The following XPNPEP1 variants were observed in gnomAD, a reference collection of about 807,000 sequenced individuals.
XPNPEP1 encodes X-prolyl aminopeptidase 1.
A neutral mutation model predicts 92.4 loss-of-function variants in XPNPEP1; 39 were observed. The ratio of observed to expected loss-of-function variants is 0.42; its 90% CI spans 0.33 to 0.55. The LOEUF is 0.55. Ranked by LOEUF, XPNPEP1 falls within the 20% of genes least tolerant of loss-of-function variation. The pLI, the probability that XPNPEP1 is intolerant of heterozygous loss-of-function variation, is 0.08. For synonymous variants in XPNPEP1, 307 were observed against 299.4 expected (o/e 1.03, Z -0.26); for missense variants, 654 against 856.1 (o/e 0.76, Z 2.95).
At chr10:109,916,204 A>T (rs561862375) in intron 1 of XPNPEP1, among the ~76,000 whole-genome samples, 51 of 152,352 alleles carry the variant, frequency 3.3e-4, no homozygotes, top group African/African-American at 1.2e-3. Flanking sequence ...AGCCTCTATT[A>T]TAACAGACAA....
intron 1 of XPNPEP1, among the ~76,000 whole-genome samples, chr10:109,915,501 T>C (rs1482372057): frequency 6.6e-6 from 1 of 152,158 alleles, no homozygotes; most frequent in Non-Finnish European, 1.5e-5. Context: ...GCCCTTATTT[T>C]ATAATTTCTC....
In XPNPEP1 at chr10:109,866,537, C is replaced by A. The variant is rs554691344; in HGVS notation, c.1873-1225G>T. ...TCCTGGTGTAAGCCTGGGGCCACAG[C>A]CAAACGCCCATGGCCCTTTTGGTTG... On this transcript the variant is annotated intron_variant, in intron 20 of 20. Coordinates refer to ENST00000502935, the MANE Select transcript of XPNPEP1 (RefSeq NM_020383.4). 3.3e-5 allele frequency among the ~76,000 whole-genome samples: 5 copies of A among 152,286 alleles called. No individual in the cohort carries two copies. In the South Asian group the frequency reaches 1.0e-3, roughly 32 times the overall value.
intron 12 of XPNPEP1, 152 bp from the exon 13 acceptor site, chr10:109,878,210 C>A: frequency 1.4e-6 from 1 of 732,302 alleles, no homozygotes; most frequent in Non-Finnish European, 2.3e-6. Flanking sequence ...AGGGAGAACT[C>A]CCAAAGGCTC....
At chr10:109,891,337 A>G in intron 5 of XPNPEP1, 1 of 157,668 alleles carries the variant, frequency 6.3e-6, no homozygotes, top group Admixed American at 6.4e-5. Context: ...ATCCTCAGAG[A>G]GAGCCTCAGG....
intron 3 of XPNPEP1, chr10:109,893,362 G>A (rs200716946): frequency 3.3e-6 from 1 of 298,660 alleles, no homozygotes; most frequent in East Asian, 5.5e-5. Context: ...TCTTCACTGA[G>A]ATCTTACTCA....
chr10:109,869,897 T>A (rs961216180), intron 19 of XPNPEP1, 56 bp downstream of exon 19: 69 of 1,569,934 alleles, frequency 4.4e-5, no homozygotes, highest in Non-Finnish European at 5.6e-5. Context: ...ATGAGGTCTA[T>A]CCGAGGCGTG....
intron 3 of XPNPEP1, among the ~76,000 whole-genome samples, chr10:109,900,268 G>C (rs1329748569): frequency 6.6e-6 from 1 of 152,130 alleles, no homozygotes; most frequent in Non-Finnish European, 1.5e-5. Flanking sequence ...AGCCGTAGGA[G>C]AAACTCCATC....
chr10:109,893,871 C>G (rs142416019), intron 3 of XPNPEP1: 1 of 152,374 alleles, frequency 6.6e-6, no homozygotes, highest in East Asian at 1.9e-4. Context: ...CAGTCAACTC[C>G]AGAGTCTGGA....
chr10:109,887,638 A>G (rs1205699047), intron 7 of XPNPEP1, among the ~76,000 whole-genome samples: 2 of 152,244 alleles, frequency 1.3e-5, no homozygotes, highest in Non-Finnish European at 2.9e-5. Context: ...CCTCTAAAGC[A>G]GAAGGTACAA....
intron 5 of XPNPEP1, 78 bp downstream of exon 5, chr10:109,891,644 T>A (rs1848708832): frequency 1.7e-6 from 2 of 1,191,176 alleles, no homozygotes; most frequent in South Asian, 3.1e-5. Flanking sequence ...AGGATTAAGA[T>A]CCAGGAGTCC....
At chr10:109,871,234 G>T (rs1474642950) in intron 17 of XPNPEP1, among the ~76,000 whole-genome samples, 1 of 152,044 alleles carries the variant, frequency 6.6e-6, no homozygotes, top group Non-Finnish European at 1.5e-5. Flanking sequence ...ACTCTAACCA[G>T]ACTGCAAGCA....
chr10:109,872,338 G>A (rs1847532747), intron 16 of XPNPEP1, among the ~76,000 whole-genome samples: 1 of 152,242 alleles, frequency 6.6e-6, no homozygotes, highest in South Asian at 2.1e-4. Context: ...ATCTGGCCTT[G>A]GAGCCAGGCA....
intron 20 of XPNPEP1, among the ~76,000 whole-genome samples, chr10:109,866,280 A>G (rs1847138704): frequency 6.6e-6 from 1 of 152,204 alleles, no homozygotes; most frequent in Non-Finnish European, 1.5e-5. Flanking sequence ...CCCATTAATT[A>G]CAAGGGACTG....
intron 12 of XPNPEP1, among the ~76,000 whole-genome samples, chr10:109,879,701 T>C (rs1371407005): frequency 1.3e-5 from 2 of 152,206 alleles, no homozygotes. Flanking sequence ...AAGAGTTGTT[T>C]ATACAATACT....
intron 11 of XPNPEP1, 57 bp downstream of exon 11, chr10:109,880,785 G>C: frequency 6.5e-7 from 1 of 1,545,308 alleles, no homozygotes; most frequent in East Asian, 2.3e-5. Flanking sequence ...GGAGGTGAAG[G>C]AGCCGGGCCT....
chr10:109,867,530 T>C lies in XPNPEP1; in HGVS notation c.1872+1084A>G, dbSNP rs530219062. Among the ~76,000 whole-genome samples the C allele has an allele frequency of 3.3e-5, 5 of 152,328 alleles. No individual in the cohort carries two copies. The highest frequency in any genetic ancestry group is 1.2e-4 in the African/African-American group (5 of 41,584). ...TGGATGGACTTTCTCATCACCCACC[T>C]GTGAACTGGAACAGGCAGAAGAGGC... On this transcript the variant is annotated intron_variant, in intron 20 of 20. Coordinates refer to ENST00000502935, the MANE Select transcript of XPNPEP1 (RefSeq NM_020383.4). The surrounding 1 kb of genome is among the most constrained non-coding windows in gnomAD (Gnocchi z 4.5).
intron 12 of XPNPEP1, chr10:109,878,365 G>A (rs1011561116): frequency 8.2e-5 from 22 of 268,708 alleles, no homozygotes; most frequent in Admixed American, 4.3e-4. Context: ...AGAAATCATC[G>A]TAAGAAAATC....
chr10:109,904,092 G>C (rs1589613825), intron 3 of XPNPEP1, among the ~76,000 whole-genome samples: 1 of 151,078 alleles, frequency 6.6e-6, no homozygotes, highest in Admixed American at 6.6e-5. Flanking sequence ...TGATCCACCT[G>C]CCTCAACCTT....
At position 109,888,513 on chromosome 10, in the gene XPNPEP1, G is replaced by A; in HGVS notation, c.498C>T (p.Ile166=). Reference sequence around the variant, plus strand: ...ACCAAGCTCACTTACCTGTAGGAATGATCAAGGGGTCCACACCAACCCTGG... The same window carrying A: ...ACCAAGCTCACTTACCTGTAGGAATAATCAAGGGGTCCACACCAACCCTGG... ...EGSRVGVDPL[I]IPTDYWKKMA... Residue 166 remains isoleucine (I), a synonymous_variant, in exon 6 of 21, where the codon ATC becomes ATT. Coordinates refer to ENST00000502935, the MANE Select transcript of XPNPEP1 (RefSeq NM_020383.4). The A allele has an allele frequency of 6.2e-7, 1 of 1,610,810 alleles. No individual in the cohort carries two copies. The highest frequency in any genetic ancestry group is 2.2e-5 in the East Asian group (1 of 44,792).
Sources: allele counts gnomAD v4.1 joint callset (sites outside exome capture counted in the v4.1 genomes callset), GRCh38; gene constraint gnomAD v4.1.1; non-coding constraint Gnocchi (gnomAD v3.1); transcripts MANE v1.5; gene names NCBI Gene and HGNC (gene_info 2026-07-23, HGNC 2026-07-21).